The following ATRNL1 variants were observed in gnomAD, a reference collection of about 807,000 sequenced individuals.
ATRNL1 encodes attractin like 1.
ATRNL1 carries 95 observed loss-of-function variants against 182.7 expected under a neutral mutation model. The ratio of observed to expected loss-of-function variants is 0.52; its 90% CI spans 0.44 to 0.62. The LOEUF (loss-of-function observed/expected upper bound fraction) is 0.62, where lower values mean the gene tolerates loss of function less well. ATRNL1 is among the 20% of genes least tolerant of loss of function. ATRNL1 has a pLI of 0.00. For synonymous variants in ATRNL1, 576 were observed against 568.3 expected (o/e 1.01, Z -0.19); for missense variants, 1,471 against 1,679.5 (o/e 0.88, Z 2.17).
At chr10:115,393,527 C>A in intron 19 of ATRNL1, among the ~76,000 whole-genome samples, 1 of 152,100 alleles carries the variant, frequency 6.6e-6, no homozygotes, top group East Asian at 1.9e-4. Context: ...AATGGTTTAG[C>A]TAACTGGTAG....
chr10:115,465,546 A>C (rs978945516), intron 22 of ATRNL1, among the ~76,000 whole-genome samples: 3 of 151,628 alleles, frequency 2.0e-5, no homozygotes, highest in Non-Finnish European at 4.4e-5. Context: ...GTTTTGTGGC[A>C]TGTACTGCAG....
At position 115,621,310 on chromosome 10, in the gene ATRNL1, G is replaced by GAGAGAGAGAGAC. The variant is rs1857754770; in HGVS notation, c.3795+71778_3795+71779insAGAGAGACAGAG. 2.2e-5 allele frequency among the ~76,000 whole-genome samples: 2 copies of GAGAGAGAGAGAC among 92,466 alleles called. 1 individual carries two copies. The highest frequency in any genetic ancestry group is 5.5e-5 in the Non-Finnish European group (2 of 36,422). 60.7% of individuals were successfully genotyped at this position (92,466 alleles called of 152,430 possible). On this transcript the variant is annotated intron_variant, in intron 26 of 28. Coordinates refer to ENST00000355044, the MANE Select transcript of ATRNL1 (RefSeq NM_207303.4). ...AGAGAGAGAGAGAGAGAGAGAGAGAGAGAGTGTGTGAGTGAGTCAGCATCT... is the reference window on the plus strand; with the variant it reads ...AGAGAGAGAGAGAGAGAGAGAGAGAGAGAGAGAGAGACAGAGTGTGTGAGTGAGTCAGCATCT...
intron 21 of ATRNL1, among the ~76,000 whole-genome samples, chr10:115,446,134 A>C (rs538524487): frequency 2.0e-5 from 3 of 151,960 alleles, no homozygotes; most frequent in Admixed American, 2.0e-4. Flanking sequence ...TCTTTATTTA[A>C]TATATGTGCT....
intron 9 of ATRNL1, among the ~76,000 whole-genome samples, chr10:115,216,380 GTA>G (rs1161487508): frequency 6.6e-6 from 1 of 152,094 alleles, no homozygotes; most frequent in Non-Finnish European, 1.5e-5. Flanking sequence ...CACCAACAGG[GTA>G]TGTGTCCCTG....
chr10:115,292,258 T>C (rs1554921123), intron 15 of ATRNL1, among the ~76,000 whole-genome samples: 1 of 152,014 alleles, frequency 6.6e-6, no homozygotes. Flanking sequence ...TTGTTTGGTC[T>C]AGCAAATGGT....
intron 1 of ATRNL1, among the ~76,000 whole-genome samples, chr10:115,111,638 C>T (rs1222435322): frequency 6.6e-6 from 1 of 152,112 alleles, no homozygotes; most frequent in Non-Finnish European, 1.5e-5. Flanking sequence ...GGCCCCAAGC[C>T]ATTCATGAGG....
intron 17 of ATRNL1, among the ~76,000 whole-genome samples, chr10:115,303,372 G>C (rs1344225292): frequency 6.6e-6 from 1 of 151,840 alleles, no homozygotes; most frequent in Non-Finnish European, 1.5e-5. Context: ...CTACAGGCAT[G>C]TGCCACCATG....
chr10:115,798,432 G>C (rs1258494715), intron 27 of ATRNL1, among the ~76,000 whole-genome samples: 1 of 152,126 alleles, frequency 6.6e-6, no homozygotes, highest in Non-Finnish European at 1.5e-5. Context: ...TGGAGCTCAA[G>C]TCTCAAACAT....
intron 8 of ATRNL1, among the ~76,000 whole-genome samples, chr10:115,206,306 T>C (rs1264768): frequency 0.35 from 52,858 of 151,908 alleles, 9,701 homozygotes; most frequent in African/African-American, 0.46. Context: ...TTGAAAATAC[T>C]TTGTTTGTGA....
At chr10:115,252,411 C>G (rs986710180) in intron 10 of ATRNL1, among the ~76,000 whole-genome samples, 5 of 152,178 alleles carry the variant, frequency 3.3e-5, no homozygotes, top group Admixed American at 6.5e-5. Flanking sequence ...TGTTGATACC[C>G]AACCCAAGTT....
At chr10:115,349,386 A>G (rs1331124403) in intron 19 of ATRNL1, among the ~76,000 whole-genome samples, 3 of 152,228 alleles carry the variant, frequency 2.0e-5, no homozygotes, top group Admixed American at 6.5e-5. Context: ...GTGGATTCCA[A>G]ATCTTGCCTA....
chr10:115,105,980 T>C (rs1363657863), intron 1 of ATRNL1, among the ~76,000 whole-genome samples: 2 of 152,144 alleles, frequency 1.3e-5, no homozygotes, highest in East Asian at 3.9e-4. Flanking sequence ...AGAGGGCCAC[T>C]GTCCTGCAGA....
intron 26 of ATRNL1, among the ~76,000 whole-genome samples, chr10:115,698,875 TAA>T (rs1332239013): frequency 2.6e-5 from 4 of 152,154 alleles, no homozygotes. Flanking sequence ...CTTTTTGTAT[TAA>T]GTTATTAAAT....
chr10:115,182,903 A>G (rs565786535), intron 8 of ATRNL1, among the ~76,000 whole-genome samples: 83 of 151,602 alleles, frequency 5.5e-4, no homozygotes, highest in African/African-American at 1.9e-3. Flanking sequence ...CGATAGGATA[A>G]AAAATAAGAA....
chr10:115,669,375 C>A (rs1164845121), intron 26 of ATRNL1, among the ~76,000 whole-genome samples: 1 of 152,016 alleles, frequency 6.6e-6, no homozygotes, highest in Non-Finnish European at 1.5e-5. Context: ...TATAGAAATA[C>A]TAGATTTGTA....
At chr10:115,359,664 G>C (rs1323885285) in intron 19 of ATRNL1, among the ~76,000 whole-genome samples, 1 of 151,322 alleles carries the variant, frequency 6.6e-6, no homozygotes, top group Non-Finnish European at 1.5e-5. Flanking sequence ...TTTCATTGAA[G>C]ACTGGTAAGA....
chr10:115,708,587 C>T (rs1946970004), intron 26 of ATRNL1, among the ~76,000 whole-genome samples: 1 of 151,738 alleles, frequency 6.6e-6, no homozygotes, highest in Admixed American at 6.6e-5. Context: ...ATTATATTTG[C>T]TCTTCCTCTT....
At chr10:115,598,106 G>C (rs1333130982) in intron 26 of ATRNL1, 1 of 152,488 alleles carries the variant, frequency 6.6e-6, no homozygotes, top group Non-Finnish European at 1.5e-5. Flanking sequence ...TGCATGGTAG[G>C]TGAGGAAGGA....
At chr10:115,590,088 C>T (rs1855812157) in intron 26 of ATRNL1, among the ~76,000 whole-genome samples, 1 of 152,166 alleles carries the variant, frequency 6.6e-6, no homozygotes. Flanking sequence ...AGCATTGACT[C>T]CTCCAGCCTT....
Sources: allele counts gnomAD v4.1 joint callset (sites outside exome capture counted in the v4.1 genomes callset), GRCh38; gene constraint gnomAD v4.1.1; transcripts MANE v1.5; gene names NCBI Gene and HGNC (gene_info 2026-07-23, HGNC 2026-07-21).